The following ZC3HAV1 variants were observed in gnomAD, a reference collection of about 807,000 sequenced individuals.
ZC3HAV1 encodes the protein zinc finger CCCH-type antiviral protein 1.
A neutral mutation model predicts 86.6 loss-of-function variants in ZC3HAV1; 41 were observed. That is an observed-to-expected ratio of 0.47 (90% CI 0.37 to 0.61). ZC3HAV1 has a LOEUF of 0.61. Ranked by LOEUF, ZC3HAV1 falls within the 20% of genes least tolerant of loss-of-function variation. ZC3HAV1 has a pLI of 0.00. For synonymous variants in ZC3HAV1, 421 were observed against 432.1 expected, an observed-to-expected ratio of 0.97 and a Z score of 0.32; for missense variants, 964 against 1,141.1, an observed-to-expected ratio of 0.84 and a Z score of 2.24.
chr7:139,053,767 A>T (rs1370136906), intron 11 of ZC3HAV1, among the ~76,000 whole-genome samples, 186 bp from the exon 12 acceptor site: 1 of 151,768 alleles, frequency 6.6e-6, no homozygotes, highest in African/African-American at 2.4e-5. Context: ...AGATAGACAC[A>T]TGAAATCATT....
chr7:139,102,591 A>G lies in ZC3HAV1; in HGVS notation c.308+6433T>C, dbSNP rs531192150. Among the ~76,000 whole-genome samples, 4 of 152,288 alleles carry G rather than the reference A, an allele frequency of 2.6e-5. No individual in the cohort carries two copies. The South Asian group carries it at 8.3e-4, about 32-fold the overall frequency. ...TTGGATACAAATGTCTAAATATTTA[A>G]CAGTAATAAATCATGCTGAGCTGGG... On this transcript the variant is annotated intron_variant, in intron 1 of 12. Transcript: ENST00000242351.
At chr7:139,095,730 C>T (rs1370599184) in intron 1 of ZC3HAV1, among the ~76,000 whole-genome samples, 1 of 152,178 alleles carries the variant, frequency 6.6e-6, no homozygotes, top group African/African-American at 2.4e-5. Flanking sequence ...TTATTATGGA[C>T]AGTCTCTCCA....
At chr7:139,072,633 C>G (rs1816812262) in intron 7 of ZC3HAV1, among the ~76,000 whole-genome samples, 1 of 152,152 alleles carries the variant, frequency 6.6e-6, no homozygotes, top group Non-Finnish European at 1.5e-5. Context: ...GACAGAAGGA[C>G]AGAGGCTCTG....
chr7:139,074,343 G>GT (rs1200582930), intron 6 of ZC3HAV1, among the ~76,000 whole-genome samples: 3 of 152,152 alleles, frequency 2.0e-5, no homozygotes, highest in Admixed American at 6.5e-5. Context: ...TTCGCATTTG[G>GT]TCCATTTTTA....
In ZC3HAV1 at chr7:139,080,218, C is replaced by T; in HGVS notation, c.723G>A (p.Met241Ile). 6.2e-7 allele frequency: 1 copy of T among 1,614,106 alleles called. No homozygotes were observed. Among genetic ancestry groups the T allele is most frequent in the Non-Finnish European group, 8.5e-7 (1 of 1,180,024 alleles). The change falls in exon 4 of 13, where the codon ATG (methionine) becomes ATA (isoleucine). Residue 241 changes from methionine (M) to isoleucine (I), a missense_variant. Met to Ile is a conservative substitution (Grantham distance 10). Coordinates refer to ENST00000242351, the MANE Select transcript of ZC3HAV1 (RefSeq NM_020119.4). ...PRAPSSHRRN[M>I]AYRARSKSRD... ...TACTCTTGCTTCTAGCCCTATATGCCATGTTTCTACGATGTGAAGAAGGAG... is the reference window on the plus strand; with the variant it reads ...TACTCTTGCTTCTAGCCCTATATGCTATGTTTCTACGATGTGAAGAAGGAG...
chr7:139,063,589 T>A (rs1296584229), intron 8 of ZC3HAV1, among the ~76,000 whole-genome samples: 1 of 151,880 alleles, frequency 6.6e-6, no homozygotes, highest in African/African-American at 2.4e-5. Flanking sequence ...CTGGGCATGG[T>A]GGCATGAACC....
At chr7:139,074,306 G>C (rs1449652633) in intron 6 of ZC3HAV1, among the ~76,000 whole-genome samples, 1 of 152,182 alleles carries the variant, frequency 6.6e-6, no homozygotes, top group South Asian at 2.1e-4. Context: ...CTCCTGATTG[G>C]CTCAATGTTA....
intron 1 of ZC3HAV1, among the ~76,000 whole-genome samples, chr7:139,106,632 A>G (rs1313321696): frequency 1.3e-5 from 2 of 152,160 alleles, no homozygotes; most frequent in African/African-American, 4.8e-5. Context: ...TCTTTTTTTA[A>G]AAGGATTATG....
chr7:139,058,275 A>G (rs1816343692), intron 9 of ZC3HAV1, among the ~76,000 whole-genome samples: 1 of 151,720 alleles, frequency 6.6e-6, no homozygotes, highest in South Asian at 2.1e-4. Flanking sequence ...CAACCTGGAG[A>G]AACCGTGTCT....
chr7:139,066,098 A>T (rs1049837988), intron 7 of ZC3HAV1, among the ~76,000 whole-genome samples: 1 of 152,120 alleles, frequency 6.6e-6, no homozygotes, highest in Non-Finnish European at 1.5e-5. Flanking sequence ...GTGGGCGATC[A>T]GGGCACACTA....
rs183756717 is a variant in ZC3HAV1 at position 139,051,107 on chromosome 7, G to C, written c.2449+2344C>G. ...TTTTTTTGAGACGGAGTCTCGGCTG[G>C]TGTGCAATGGCATGATCTCAGCTCA... is the stretch of plus-strand genomic sequence containing the variant. On this transcript the variant is annotated intron_variant, in intron 12 of 12. Transcript: ENST00000242351. 2.1e-4 allele frequency among the ~76,000 whole-genome samples: 31 copies of C among 151,070 alleles called. 1 individual carries two copies. In the East Asian group the frequency reaches 6.0e-3, roughly 29 times the overall value.
chr7:139,047,922 A>T, intron 12 of ZC3HAV1, 69 bp from the exon 13 acceptor site: 1 of 1,500,524 alleles, frequency 6.7e-7, no homozygotes, highest in Non-Finnish European at 9.0e-7. Flanking sequence ...AAGATTTGTT[A>T]TATACAGTCA....
intron 1 of ZC3HAV1, among the ~76,000 whole-genome samples, chr7:139,090,488 G>A (rs1817399155): frequency 6.6e-6 from 1 of 152,118 alleles, no homozygotes; most frequent in African/African-American, 2.4e-5. Flanking sequence ...CCATAAATTA[G>A]ACTGGATATT....
At chr7:139,079,434 A>G in intron 4 of ZC3HAV1, 36 bp downstream of exon 4, 1 of 1,614,034 alleles carries the variant, frequency 6.2e-7, no homozygotes. Flanking sequence ...TCATGAACAA[A>G]TGTACTAGCC....
chr7:139,078,743 G>C (rs766035030), intron 4 of ZC3HAV1, 90 bp from the exon 5 acceptor site: 210 of 965,512 alleles, frequency 2.2e-4, no homozygotes, highest in Non-Finnish European at 3.1e-4. Context: ...AAGAATATCT[G>C]AAATGGGGGC....
At chr7:139,101,502 C>T in intron 1 of ZC3HAV1, among the ~76,000 whole-genome samples, 1 of 101,182 alleles carries the variant, frequency 9.9e-6, no homozygotes. Context: ...ACCACCCCGT[C>T]TGGGAGGTGT....
In ZC3HAV1 at chr7:139,089,773, C is replaced by G; in HGVS notation, c.309-14G>C. On this transcript the variant is annotated splice_polypyrimidine_tract_variant and intron_variant, in intron 1 of 12. Transcript: ENST00000242351. ...TTGCATAAATTCCTGGAAGAAAACACGACAATGGTCAGTATTTCTACTACA... is the reference window on the plus strand; with the variant it reads ...TTGCATAAATTCCTGGAAGAAAACAGGACAATGGTCAGTATTTCTACTACA... 1 of 1,601,620 alleles carries G rather than the reference C, an allele frequency of 6.2e-7. No homozygotes were observed. The highest frequency in any genetic ancestry group is 8.5e-7 in the Non-Finnish European group (1 of 1,175,752).
chr7:139,073,049 A>G (rs1317870190), intron 7 of ZC3HAV1, among the ~76,000 whole-genome samples: 1 of 152,116 alleles, frequency 6.6e-6, no homozygotes, highest in East Asian at 1.9e-4. Flanking sequence ...TAATCTCAAC[A>G]CTTTGGGAGG....
At chr7:139,064,070 C>T (rs1457253814) in intron 8 of ZC3HAV1, among the ~76,000 whole-genome samples, 1 of 152,230 alleles carries the variant, frequency 6.6e-6, no homozygotes. Context: ...ATTTTAATGT[C>T]ACTTGACATG....
Sources: allele counts gnomAD v4.1 joint callset (sites outside exome capture counted in the v4.1 genomes callset), GRCh38; gene constraint gnomAD v4.1.1; transcripts MANE v1.5; gene names NCBI Gene and HGNC (gene_info 2026-07-23, HGNC 2026-07-21).